EMSY: variants seen among roughly 807,000 people sequenced by gnomAD.
EMSY encodes the protein BRCA2-interacting transcriptional repressor EMSY.
A neutral mutation model predicts 134.6 loss-of-function variants in EMSY; 26 were observed. The observed-to-expected ratio is 0.19, with a 90% confidence interval of 0.14 to 0.27. EMSY has a LOEUF of 0.27. Ranked by LOEUF, EMSY falls within the 10% of genes least tolerant of loss-of-function variation. The pLI is 1.00. For synonymous variants in EMSY, 579 were observed against 577.8 expected (o/e 1.00, Z -0.03); for missense variants, 1,305 against 1,611.4 (o/e 0.81, Z 3.26).
intron 9 of EMSY, among the ~76,000 whole-genome samples, chr11:76,497,678 A>G (rs1465758327): frequency 6.6e-6 from 1 of 152,012 alleles, no homozygotes; most frequent in Non-Finnish European, 1.5e-5. Context: ...TGGCTATAGG[A>G]TCGATATTAA....
At chr11:76,466,030 T>C (rs1948337486) in intron 7 of EMSY, among the ~76,000 whole-genome samples, 1 of 152,228 alleles carries the variant, frequency 6.6e-6, no homozygotes, top group South Asian at 2.1e-4. Context: ...GGGGGTTAAA[T>C]AGAGGGAAAG....
At chr11:76,493,370 G>A (rs1192392216) in intron 8 of EMSY, among the ~76,000 whole-genome samples, 2 of 152,170 alleles carry the variant, frequency 1.3e-5, no homozygotes, top group African/African-American at 4.8e-5. Flanking sequence ...ATGGCAGCAG[G>A]AGGCAGACAG....
intron 18 of EMSY, among the ~76,000 whole-genome samples, chr11:76,542,826 A>AT (rs1358674617): frequency 6.7e-6 from 1 of 149,216 alleles, no homozygotes; most frequent in Non-Finnish European, 1.5e-5. Flanking sequence ...TAAATATTTG[A>AT]TTTTTTTAAC....
At chr11:76,454,572 G>A (rs1947796882) in intron 4 of EMSY, among the ~76,000 whole-genome samples, 177 bp from the exon 5 acceptor site, 1 of 152,114 alleles carries the variant, frequency 6.6e-6, no homozygotes, top group Admixed American at 6.6e-5. Flanking sequence ...GGAAATTTAT[G>A]TGCTAGAGAA....
intron 1 of EMSY, among the ~76,000 whole-genome samples, chr11:76,446,388 A>C (rs1947410990): frequency 9.0e-6 from 1 of 111,126 alleles, no homozygotes; most frequent in African/African-American, 3.8e-5. Flanking sequence ...ATTTTAGTAT[A>C]TGTGTTGCTG....
Position 76,458,168 on chromosome 11 carries a change from T to C in EMSY, c.246-15T>C. ...GATTGAAAACCCTTGTAGCAGCGCT[T>C]TCTTTTTTGTTTAGTATGTCTGGAC... On this transcript the variant is annotated splice_polypyrimidine_tract_variant and intron_variant, in intron 4 of 20. Transcript: ENST00000334736. 1 of 1,589,994 alleles carries C rather than the reference T, an allele frequency of 6.3e-7. No individual in the cohort carries two copies. The highest frequency in any genetic ancestry group is 8.5e-7 in the Non-Finnish European group (1 of 1,169,898).
chr11:76,461,847 A>ATT (rs1948132462), intron 6 of EMSY, among the ~76,000 whole-genome samples: 1 of 151,992 alleles, frequency 6.6e-6, no homozygotes, highest in Non-Finnish European at 1.5e-5. Flanking sequence ...CAGGAGAATC[A>ATT]CTTGAACCTG....
exon 19 of EMSY, chr11:76,544,752 A>C: frequency 3.1e-6 from 5 of 1,614,030 alleles, no homozygotes; most frequent in Non-Finnish European, 4.2e-6. Flanking sequence ...CCAAAAATCT[A>C]CGTGCAACCC....
intron 8 of EMSY, among the ~76,000 whole-genome samples, chr11:76,484,849 G>T (rs893354920): frequency 6.6e-6 from 1 of 151,726 alleles, no homozygotes; most frequent in African/African-American, 2.4e-5. Context: ...CAGGAGAATT[G>T]CTTGAACCTG....
At chr11:76,521,853 C>T (rs1320956253) in intron 11 of EMSY, among the ~76,000 whole-genome samples, 2 of 150,692 alleles carry the variant, frequency 1.3e-5, no homozygotes, top group Non-Finnish European at 2.9e-5. Flanking sequence ...ATCACTTGAA[C>T]CTAGGAGTTT....
At chr11:76,472,138 C>T (rs770491048) in intron 7 of EMSY, among the ~76,000 whole-genome samples, 10 of 152,200 alleles carry the variant, frequency 6.6e-5, no homozygotes, top group Non-Finnish European at 1.5e-4. Context: ...AAAATGTAAG[C>T]TACTTGAAGG....
At chr11:76,473,056 A>C (rs1948635944) in intron 8 of EMSY, among the ~76,000 whole-genome samples, 1 of 152,166 alleles carries the variant, frequency 6.6e-6, no homozygotes. Flanking sequence ...CACAATACCT[A>C]ATTACCTGGG....
chr11:76,502,183 A>G (rs921387406), intron 9 of EMSY, among the ~76,000 whole-genome samples: 3 of 151,224 alleles, frequency 2.0e-5, no homozygotes, highest in Non-Finnish European at 4.4e-5. Flanking sequence ...AAGAGACACT[A>G]AAAGAAGTTC....
chr11:76,487,835 A>G (rs1488215900), intron 8 of EMSY, among the ~76,000 whole-genome samples: 3 of 152,272 alleles, frequency 2.0e-5, no homozygotes, highest in African/African-American at 7.2e-5. Flanking sequence ...GATTCAAAAT[A>G]TGAAACACTT....
At chr11:76,527,751 A>G (rs564553697) in intron 13 of EMSY, among the ~76,000 whole-genome samples, 3 of 151,954 alleles carry the variant, frequency 2.0e-5, no homozygotes, top group East Asian at 1.9e-4. Context: ...AGGTGTGTCA[A>G]TTAGGAATTT....
chr11:76,485,391 C>A (rs190246423), intron 8 of EMSY, among the ~76,000 whole-genome samples: 1 of 152,160 alleles, frequency 6.6e-6, no homozygotes, highest in African/African-American at 2.4e-5. Context: ...GCTGGTTCAA[C>A]GTATGCAAAT....
rs1270582465 is a variant in EMSY, at chr11:76,530,658, C to G, written c.2194+2192C>G. Among the ~76,000 whole-genome samples, 3 of 152,148 alleles carry G rather than the reference C, an allele frequency of 2.0e-5. No individual in the cohort carries two copies. The East Asian group carries it at 5.8e-4, about 29-fold the overall frequency. On this transcript the variant is annotated intron_variant, in intron 14 of 20. Transcript: ENST00000334736. ...AGAAAATTTCACAATTTAGAATAGG[C>G]ATAGTTGACTGTAAGGCAGATTTTT...
At chr11:76,495,855 G>A (rs574055337) in intron 8 of EMSY, among the ~76,000 whole-genome samples, 55 of 151,754 alleles carry the variant, frequency 3.6e-4, no homozygotes, top group Admixed American at 5.3e-4. Context: ...TAATAAAATC[G>A]CTTTGTTCTT....
At position 76,513,560 on chromosome 11, in the gene EMSY, A is replaced by G. The variant is rs745725236; in HGVS notation, c.1513+25A>G. ...GGTAAGTTCTCTTGAGCATCAGTTC[A>G]TTTATTCATCATACATTCATCAAAC... On this transcript the variant is annotated intron_variant, in intron 10 of 20. Coordinates refer to ENST00000334736, the Ensembl canonical transcript of EMSY. 2.1e-5 allele frequency: 34 copies of G among 1,609,438 alleles called. No homozygotes were observed. The Middle Eastern group carries it at 5.0e-4, about 24-fold the overall frequency.
Sources: allele counts gnomAD v4.1 joint callset (sites outside exome capture counted in the v4.1 genomes callset), GRCh38; gene constraint gnomAD v4.1.1; transcripts MANE v1.5; gene names NCBI Gene and HGNC (gene_info 2026-07-23, HGNC 2026-07-21).